Variants in OPRM1 observed in about 807,000 individuals in gnomAD.
OPRM1 encodes opioid receptor mu 1.
Under a neutral mutation model 31.8 loss-of-function variants are expected in OPRM1, and 27 were observed. The ratio of observed to expected loss-of-function variants is 0.85; its 90% CI spans 0.63 to 1.17. The LOEUF (loss-of-function observed/expected upper bound fraction) is 1.17, where lower values mean the gene tolerates loss of function less well. OPRM1 is among the 50% of genes most tolerant of loss of function. OPRM1 has a pLI of 0.00. For missense variants in OPRM1, 536 were observed against 511.1 expected (o/e 1.05, Z -0.47); for synonymous variants, 196 against 189.9 (o/e 1.03, Z -0.26).
intron 3 of OPRM1, chr6:154,200,177 A>C (rs1776948982): frequency 4.0e-6 from 3 of 757,052 alleles, no homozygotes; most frequent in African/African-American, 3.5e-5. Flanking sequence ...CAAAAGGTAA[A>C]GATATGATAT....
chr6:154,103,662 A>T (rs183269943), intron 3 of OPRM1, among the ~76,000 whole-genome samples: 29 of 152,304 alleles, frequency 1.9e-4, no homozygotes, highest in African/African-American at 6.5e-4. Context: ...CCATTTTTAC[A>T]GTTATTTCTT....
chr6:154,097,341 A>G (rs1793567535), intron 3 of OPRM1, among the ~76,000 whole-genome samples: 1 of 152,334 alleles, frequency 6.6e-6, no homozygotes, highest in South Asian at 2.1e-4. Context: ...ATCCCCAGCT[A>G]AACTAAAAGC....
At chr6:154,021,259 G>A (rs564563065) in intron 1 of OPRM1, among the ~76,000 whole-genome samples, 1 of 152,242 alleles carries the variant, frequency 6.6e-6, no homozygotes, top group African/African-American at 2.4e-5. Context: ...TCAAAAATCA[G>A]TTGATAGTAT....
chr6:154,056,790 T>C (rs3778146), intron 1 of OPRM1, among the ~76,000 whole-genome samples: 21,948 of 152,012 alleles, frequency 0.14, 1,688 homozygotes, highest in Non-Finnish European at 0.17. Flanking sequence ...GCCAGCAGTA[T>C]AACCTGAACA....
At chr6:154,099,599 G>T (rs975321830) in intron 3 of OPRM1, among the ~76,000 whole-genome samples, 4 of 146,570 alleles carry the variant, frequency 2.7e-5, no homozygotes, top group Non-Finnish European at 5.9e-5. Context: ...CTACTCTACT[G>T]CAATAAAATC....
chr6:154,011,803 G>C (rs1777744698), intron 1 of OPRM1, among the ~76,000 whole-genome samples: 1 of 152,052 alleles, frequency 6.6e-6, no homozygotes, highest in Non-Finnish European at 1.5e-5. Flanking sequence ...AACTAATACA[G>C]ATGGTACTAT....
chr6:154,231,434 G>T (rs1779708761), intron 3 of OPRM1, among the ~76,000 whole-genome samples: 1 of 152,204 alleles, frequency 6.6e-6, no homozygotes, highest in Non-Finnish European at 1.5e-5. Context: ...TATGTGGAAT[G>T]ACATGTACAT....
chr6:154,221,789 G>T (rs1337736181), intron 3 of OPRM1, among the ~76,000 whole-genome samples: 1 of 152,106 alleles, frequency 6.6e-6, no homozygotes, highest in Non-Finnish European at 1.5e-5. Flanking sequence ...CAGGAGAATG[G>T]CATGAACCTG....
chr6:154,011,999 A>G (rs944798516), intron 1 of OPRM1, among the ~76,000 whole-genome samples: 2 of 152,162 alleles, frequency 1.3e-5, no homozygotes, highest in Admixed American at 6.6e-5. Context: ...CAAATGTAAA[A>G]ACTGAAATAT....
chr6:154,020,798 T>A (rs906544256), intron 1 of OPRM1, among the ~76,000 whole-genome samples: 7 of 152,198 alleles, frequency 4.6e-5, no homozygotes, highest in African/African-American at 1.7e-4. Flanking sequence ...TGTTGAAAAT[T>A]TTTTCATATG....
intron 3 of OPRM1, among the ~76,000 whole-genome samples, chr6:154,230,285 GA>G (rs1014945350): frequency 3.3e-5 from 5 of 152,080 alleles, no homozygotes; most frequent in African/African-American, 4.8e-5. Flanking sequence ...TGCAGATGGG[GA>G]TATTGATAAT....
chr6:154,241,234 CAAA>C (rs11308882), intron 3 of OPRM1, among the ~76,000 whole-genome samples: 8 of 79,230 alleles, frequency 1.0e-4, no homozygotes, highest in Admixed American at 1.5e-4. Flanking sequence ...GACTCCATCT[CAAA>C]AAAAAAAAAA....
rs200207721 is a variant in OPRM1 at position 154,039,743 on chromosome 6, A to G, written c.199A>G (p.Met67Val). The G allele has an allele frequency of 2.4e-5, 39 of 1,608,726 alleles. No individual in the cohort carries two copies. The highest frequency in any genetic ancestry group is 3.0e-5 in the Non-Finnish European group (35 of 1,180,006). The change falls in exon 1 of 4, where the codon ATG (methionine) becomes GTG (valine). Residue 67 changes from methionine (M) to valine (V), a missense_variant. Transcript: ENST00000330432. The part of the protein sequence containing the change: ...SLCPPTGSPS[M>V]ITAITIMALY... ...GTGCCCTCCGACCGGCAGTCCCTCC[A>G]TGATCACGGCCATCACGATCATGGC...
chr6:154,144,628 A>G (rs1798312256), intron 3 of OPRM1, among the ~76,000 whole-genome samples: 1 of 151,808 alleles, frequency 6.6e-6, no homozygotes, highest in African/African-American at 2.4e-5. Context: ...GGTGCCTGTA[A>G]TCCCAGCTAC....
At chr6:154,110,268 A>G (rs1001568321) in intron 3 of OPRM1, 10 of 685,890 alleles carry the variant, frequency 1.5e-5, no homozygotes, top group Admixed American at 1.2e-4. Context: ...CCTTTGGGGT[A>G]TAAATCATTG....
Position 154,076,514 on chromosome 6 carries a change from C to G in OPRM1, c.291-13312C>G, listed in dbSNP as rs373279066. 3.3e-5 allele frequency among the ~76,000 whole-genome samples: 5 copies of G among 152,280 alleles called. No homozygotes were observed. In the South Asian group the frequency reaches 8.3e-4, roughly 25 times the overall value. On this transcript the variant is annotated intron_variant, in intron 1 of 3. Coordinates refer to ENST00000330432, the MANE Select transcript of OPRM1 (RefSeq NM_000914.5). Reference sequence around the variant, plus strand: ...GAAACAATAGTGGCATATTACCTATCATTCATAATATTGGTAGATATGGCT... The same window carrying G: ...GAAACAATAGTGGCATATTACCTATGATTCATAATATTGGTAGATATGGCT...
chr6:154,028,851 G>A (rs1488151896), intron 1 of OPRM1, among the ~76,000 whole-genome samples: 2 of 152,160 alleles, frequency 1.3e-5, no homozygotes, highest in Non-Finnish European at 2.9e-5. Flanking sequence ...GAATGGTGTT[G>A]GTGATTCAAG....
intron 3 of OPRM1, among the ~76,000 whole-genome samples, chr6:154,100,417 GTGCT>G (rs1686513388): frequency 6.6e-6 from 1 of 151,702 alleles, no homozygotes; most frequent in African/African-American, 2.4e-5. Context: ...ATTTAAGGTA[GTGCT>G]TGTTGCTTTA....
At chr6:154,142,692 G>A (rs1290951416) in intron 3 of OPRM1, among the ~76,000 whole-genome samples, 1 of 152,136 alleles carries the variant, frequency 6.6e-6, no homozygotes, top group Non-Finnish European at 1.5e-5. Flanking sequence ...AGCTTTTTAA[G>A]AAACCCTTAC....
Sources: allele counts gnomAD v4.1 joint callset (sites outside exome capture counted in the v4.1 genomes callset), GRCh38; gene constraint gnomAD v4.1.1; transcripts MANE v1.5; gene names NCBI Gene and HGNC (gene_info 2026-07-23, HGNC 2026-07-21).